ZNF516: variants seen among roughly 807,000 people sequenced by gnomAD.
ZNF516 encodes the protein zinc finger protein 516.
Under a neutral mutation model 79.7 loss-of-function variants are expected in ZNF516, and 19 were observed. That is an observed-to-expected ratio of 0.24 (90% CI 0.17 to 0.35). The LOEUF is 0.35. ZNF516 is among the 10% of genes least tolerant of loss of function. The pLI, the probability that ZNF516 is intolerant of heterozygous loss-of-function variation, is 1.00. For missense variants in ZNF516, 1,678 were observed against 1,679.5 expected (o/e 1.00, Z 0.02); for synonymous variants, 877 against 739.5 (o/e 1.19, Z -3.02).
intron 3 of ZNF516, among the ~76,000 whole-genome samples, chr18:76,409,154 A>G (rs1412696955): frequency 6.8e-6 from 1 of 146,128 alleles, no homozygotes; most frequent in Non-Finnish European, 1.5e-5. Context: ...GAGCAGCAAG[A>G]GAACGATTCC....
chr18:76,441,136 CG>C, intron 3 of ZNF516, 108 bp downstream of exon 3: 2 of 1,419,826 alleles, frequency 1.4e-6, no homozygotes, highest in South Asian at 2.9e-5. Context: ...AAAGGGCCAC[CG>C]GGTAAGGGGC....
In ZNF516 at chr18:76,358,792, T is replaced by C. The variant is rs1035645708; in HGVS notation, c.*3706A>G. The stretch of plus-strand genomic sequence containing the variant: ...GGTTTGTCTAGTTTGAAGGAAGGAA[T>C]GTTGGTAGACAGTCTCCAGCCACGA... On this transcript the variant is annotated 3_prime_UTR_variant, in exon 7 of 7. Coordinates refer to ENST00000443185, the MANE Select transcript of ZNF516 (RefSeq NM_014643.4). The C allele has an allele frequency of 2.6e-5, 4 of 152,334 alleles. No homozygotes were observed. The highest frequency in any genetic ancestry group is 9.6e-5 in the African/African-American group (4 of 41,550). The allele number at this position is 152,334 out of a possible 1,614,324, so 9.4% of individuals were successfully genotyped here.
intron 3 of ZNF516, among the ~76,000 whole-genome samples, chr18:76,434,939 A>T (rs1387746946): frequency 1.3e-5 from 2 of 152,216 alleles, no homozygotes; most frequent in Non-Finnish European, 2.9e-5. Context: ...AGAGAATTAA[A>T]ATCCACACTT....
intron 3 of ZNF516, among the ~76,000 whole-genome samples, chr18:76,416,875 AG>A (rs1371492453): frequency 6.6e-6 from 1 of 152,018 alleles, no homozygotes; most frequent in Non-Finnish European, 1.5e-5. Flanking sequence ...CTCAAATTAA[AG>A]GGGGGAGGGA....
intron 3 of ZNF516, among the ~76,000 whole-genome samples, chr18:76,405,025 C>T (rs1255688834): frequency 6.6e-6 from 1 of 152,172 alleles, no homozygotes; most frequent in Admixed American, 6.5e-5. Flanking sequence ...CTGCCCTTTG[C>T]TCCCAGCAAA....
chr18:76,456,934 T>C (rs2145643759), intron 2 of ZNF516, among the ~76,000 whole-genome samples: 2 of 152,382 alleles, frequency 1.3e-5, no homozygotes, highest in South Asian at 4.1e-4. Flanking sequence ...TCTGTTATAT[T>C]GTGCTGTGAG....
chr18:76,454,896 A>C (rs1270972095), intron 2 of ZNF516, among the ~76,000 whole-genome samples: 1 of 152,228 alleles, frequency 6.6e-6, no homozygotes, highest in Admixed American at 6.5e-5. Context: ...CCTTGCAGAA[A>C]TGAGGGTGGG....
At chr18:76,468,456 G>T (rs750665987) in intron 1 of ZNF516, among the ~76,000 whole-genome samples, 1 of 140,232 alleles carries the variant, frequency 7.1e-6, no homozygotes, top group Non-Finnish European at 1.5e-5. Flanking sequence ...TCTCACTGTC[G>T]CCCAGGCTGG....
In ZNF516 at chr18:76,358,015, T is replaced by C. The variant is rs766380080; in HGVS notation, c.*4483A>G. On this transcript the variant is annotated 3_prime_UTR_variant, in exon 7 of 7. Transcript: ENST00000443185. ...TTGGAAAAAAACCACTCGGGCCATCTGGGCATCTGTTCAGATGAACGATCT... is the reference window on the plus strand; with the variant it reads ...TTGGAAAAAAACCACTCGGGCCATCCGGGCATCTGTTCAGATGAACGATCT... 6.6e-6 allele frequency among the ~76,000 whole-genome samples: 1 copy of C among 152,244 alleles called. No individual in the cohort carries two copies. Among genetic ancestry groups the C allele is most frequent in the Non-Finnish European group, 1.5e-5 (1 of 68,050 alleles).
intron 1 of ZNF516, among the ~76,000 whole-genome samples, chr18:76,475,372 CAA>C (rs1599148172): frequency 6.6e-6 from 1 of 152,150 alleles, no homozygotes; most frequent in African/African-American, 2.4e-5. Context: ...CAAGCACTGA[CAA>C]AGAGAAAGCA....
chr18:76,479,624 T>C (rs1278403184), intron 1 of ZNF516, among the ~76,000 whole-genome samples: 1 of 152,248 alleles, frequency 6.6e-6, no homozygotes. Flanking sequence ...CAAGATTCCT[T>C]CCTGCAGACC....
chr18:76,361,805 C>G lies in ZNF516; in HGVS notation c.*693G>C, dbSNP rs973306291. The G allele has an allele frequency of 1.3e-5, 2 of 152,176 alleles. No individual in the cohort carries two copies. The highest frequency in any genetic ancestry group is 4.8e-5 in the African/African-American group (2 of 41,436). 9.4% of individuals were successfully genotyped at this position (152,176 alleles called of 1,614,324 possible). A position where few individuals can be genotyped will look rare whatever the true frequency, so the allele number is the denominator to read the frequency against. ...AGACGTGTCTCCTTTGCCAGATTCG[C>G]TCAGTTCGAATGGTGGGAAGAATGG... On this transcript the variant is annotated 3_prime_UTR_variant, in exon 7 of 7. Transcript: ENST00000443185.
intron 4 of ZNF516, among the ~76,000 whole-genome samples, chr18:76,373,542 G>A (rs995366350): frequency 6.6e-5 from 10 of 152,162 alleles, no homozygotes; most frequent in African/African-American, 1.2e-4. Flanking sequence ...TAATGATGAC[G>A]ACATGCAATG....
At chr18:76,490,286 TA>T in intron 1 of ZNF516, 1 of 769,768 alleles carries the variant, frequency 1.3e-6, no homozygotes, top group Non-Finnish European at 1.6e-6. Flanking sequence ...CCAATTTTAC[TA>T]AGGGGGGGCG....
rs10708911 is a variant in ZNF516 at position 76,376,533 on chromosome 18, CAA to C, written c.3259+2320_3259+2321del. ...AGATAAATATTTAACCTCTCTCTTTCAAAAAAAAAAAAAAAAGACCTTAGAAC... is the reference window on the plus strand; with the variant it reads ...AGATAAATATTTAACCTCTCTCTTTCAAAAAAAAAAAAAAGACCTTAGAAC... On this transcript the variant is annotated intron_variant, in intron 4 of 6. Coordinates refer to ENST00000443185, the MANE Select transcript of ZNF516 (RefSeq NM_014643.4). 2.8e-3 allele frequency among the ~76,000 whole-genome samples: 372 copies of C among 132,764 alleles called. 1 individual carries two copies. Among genetic ancestry groups the C allele is most frequent in the Non-Finnish European group, 3.0e-3 (188 of 62,572 alleles). The allele number at this position is 132,764 out of a possible 152,430, so 87.1% of individuals were successfully genotyped here.
At chr18:76,419,462 T>C (rs2075478770) in intron 3 of ZNF516, among the ~76,000 whole-genome samples, 1 of 152,224 alleles carries the variant, frequency 6.6e-6, no homozygotes, top group South Asian at 2.1e-4. Flanking sequence ...GCACGTAATA[T>C]AACAATACAT....
chr18:76,472,103 C>G (rs1913877539), intron 1 of ZNF516, among the ~76,000 whole-genome samples: 2 of 152,200 alleles, frequency 1.3e-5, no homozygotes, highest in South Asian at 4.1e-4. Context: ...TCTGAACCAT[C>G]AAACCATCTT....
intron 3 of ZNF516, among the ~76,000 whole-genome samples, chr18:76,395,224 C>T (rs867463287): frequency 4.6e-5 from 7 of 152,324 alleles, no homozygotes; most frequent in African/African-American, 9.6e-5. Flanking sequence ...CTCCTGCTGC[C>T]GCAGGGCCTC....
At position 76,440,379 on chromosome 18, in the gene ZNF516, G is replaced by A. The variant is rs75952746; in HGVS notation, c.1810+866C>T. Reference sequence around the variant, plus strand: ...GATTTCTATCACTCTTAACAGTCCAGGTAAAAAGCAACAGTCAGTAACGGC... The same window carrying A: ...GATTTCTATCACTCTTAACAGTCCAAGTAAAAAGCAACAGTCAGTAACGGC... On this transcript the variant is annotated intron_variant, in intron 3 of 6. Coordinates refer to ENST00000443185, the MANE Select transcript of ZNF516 (RefSeq NM_014643.4). Among the ~76,000 whole-genome samples, 98 of 152,268 alleles carry A rather than the reference G, an allele frequency of 6.4e-4. 1 individual carries two copies. In the East Asian group the frequency reaches 0.019, roughly 29 times the overall value.
Sources: gnomAD v4.1 joint callset for allele counts (sites outside exome capture counted in the v4.1 genomes callset) on GRCh38, gnomAD v4.1.1 for gene constraint, MANE v1.5 for transcripts, NCBI Gene and HGNC (gene_info 2026-07-23, HGNC 2026-07-21) for gene names.